KIF3A: variants seen among roughly 807,000 people sequenced by gnomAD.
The protein encoded by KIF3A is kinesin-like protein KIF3A.
KIF3A carries 27 observed loss-of-function variants against 92.6 expected under a neutral mutation model. That is an observed-to-expected ratio of 0.29 (90% CI 0.21 to 0.40). The LOEUF (loss-of-function observed/expected upper bound fraction) is 0.40, where lower values mean the gene tolerates loss of function less well. KIF3A is among the 10% of genes least tolerant of loss of function. KIF3A has a pLI of 1.00. For synonymous variants in KIF3A, 250 were observed against 275.4 expected (o/e 0.91, Z 0.92); for missense variants, 581 against 872.6 (o/e 0.67, Z 4.21).
chr5:132,709,090 T>C, intron 9 of KIF3A, 112 bp from the exon 10 acceptor site: 1 of 823,410 alleles, frequency 1.2e-6, no homozygotes, highest in East Asian at 2.7e-5. Flanking sequence ...TAAAGGACAA[T>C]CAAGCTTTGT....
chr5:132,692,921 A>C lies in KIF3A; in HGVS notation c.*3713T>G, dbSNP rs1022629398. 5.2e-5 allele frequency: 8 copies of C among 152,650 alleles called. No individual in the cohort carries two copies. The highest frequency in any genetic ancestry group is 1.0e-4 in the Non-Finnish European group (7 of 68,038). The allele number at this position is 152,650 out of a possible 1,614,324, so 9.5% of individuals were successfully genotyped here. On this transcript the variant is annotated 3_prime_UTR_variant, in exon 19 of 19. Transcript: ENST00000403231. The stretch of plus-strand genomic sequence containing the variant: ...ACAAAAAATAATTTAAAATAAAACA[A>C]ATGTATACATTAGGAAATTGGGCAG...
intron 12 of KIF3A, 71 bp from the exon 13 acceptor site, chr5:132,703,136 T>C (rs1187516004): frequency 1.5e-6 from 2 of 1,359,022 alleles, no homozygotes; most frequent in Non-Finnish European, 1.0e-6. Context: ...TTTCCCAAAA[T>C]TTAAAATTTG....
chr5:132,723,291 A>C (rs928790664), intron 4 of KIF3A: 1 of 152,230 alleles, frequency 6.6e-6, no homozygotes, highest in African/African-American at 2.4e-5. Context: ...CAGAATTGGA[A>C]AAAACTACTT....
chr5:132,700,438 T>TA (rs1752993559), intron 16 of KIF3A, 154 bp from the exon 17 acceptor site: 8 of 654,670 alleles, frequency 1.2e-5, no homozygotes, highest in Middle Eastern at 2.5e-4. Flanking sequence ...TAGTCCCACA[T>TA]AGCCCCTAAC....
rs372900102 is a variant in KIF3A at position 132,726,315 on chromosome 5, T to C, written c.425+39A>G. On this transcript the variant is annotated intron_variant, in intron 3 of 18. Transcript: ENST00000403231. ...TACCTATGTGCCTTTCCAGTGTTTG[T>C]ACTTCTCAATATCAGAAAATAAAAG... 8 of 1,605,558 alleles carry C rather than the reference T, an allele frequency of 5.0e-6. No homozygotes were observed. In the East Asian group the frequency reaches 1.1e-4, roughly 22 times the overall value.
chr5:132,731,484 A>G (rs545797388), intron 2 of KIF3A, among the ~76,000 whole-genome samples: 2 of 152,334 alleles, frequency 1.3e-5, no homozygotes, highest in South Asian at 2.1e-4. Flanking sequence ...TAAGAATAGA[A>G]GGGAACTTCC....
In KIF3A at chr5:132,702,027, A is replaced by G. The variant is rs1554105120; in HGVS notation, c.1884+60T>C. On this transcript the variant is annotated intron_variant, in intron 15 of 18. Coordinates refer to ENST00000403231, the MANE Select transcript of KIF3A (RefSeq NM_001300791.2). Reference sequence around the variant, plus strand: ...AAGTATTTATCATCAGTTAAATTAGAAATCTTTGTTCCTTAATCCCAGTCA... The same window carrying G: ...AAGTATTTATCATCAGTTAAATTAGGAATCTTTGTTCCTTAATCCCAGTCA... 1.3e-5 allele frequency: 19 copies of G among 1,510,702 alleles called. 1 individual carries two copies. In the South Asian group the frequency reaches 2.1e-4, roughly 17 times the overall value. 93.6% of individuals were successfully genotyped at this position (1,510,702 alleles called of 1,614,324 possible). A position where few individuals can be genotyped will look rare whatever the true frequency, so the allele number is the denominator to read the frequency against.
At chr5:132,698,643 C>A (rs1752917718) in intron 18 of KIF3A, among the ~76,000 whole-genome samples, 2 of 151,908 alleles carry the variant, frequency 1.3e-5, no homozygotes, top group African/African-American at 2.4e-5. Context: ...AAAATAAATT[C>A]TATTACTCAG....
chr5:132,724,421 A>ATC (rs1349197018), intron 4 of KIF3A, among the ~76,000 whole-genome samples: 1 of 152,232 alleles, frequency 6.6e-6, no homozygotes, highest in Non-Finnish European at 1.5e-5. Flanking sequence ...AGACTGGATT[A>ATC]AGAAAATGTG....
At chr5:132,707,453 T>G (rs1753259414) in intron 10 of KIF3A, among the ~76,000 whole-genome samples, 1 of 151,836 alleles carries the variant, frequency 6.6e-6, no homozygotes, top group Non-Finnish European at 1.5e-5. Flanking sequence ...AAAGTACAAC[T>G]CATTTCATAA....
rs374442774 is a variant in KIF3A at position 132,726,483 on chromosome 5, T to C, written c.296A>G (p.Tyr99Cys). ...AGTTTTGCCTGTTCCGGTTTGTCCA[T>C]ATGCAAAAATAGTCCCTGAAAATGA... The part of the protein sequence containing the change: ...LEGYNGTIFA[Y>C]GQTGTGKTFT... The change falls in exon 3 of 19, where the codon TAT becomes TGT. Residue 99 changes from tyrosine (Y) to cysteine (C), a missense_variant. Transcript: ENST00000403231. The C allele has an allele frequency of 1.8e-5, 29 of 1,613,302 alleles. No individual in the cohort carries two copies. Among genetic ancestry groups the C allele is most frequent in the Non-Finnish European group, 2.3e-5 (27 of 1,179,556 alleles).
At chr5:132,713,697 T>C (rs550485830) in intron 8 of KIF3A, among the ~76,000 whole-genome samples, 1 of 152,190 alleles carries the variant, frequency 6.6e-6, no homozygotes, top group East Asian at 1.9e-4. Context: ...TTATTCACAA[T>C]AGCCAAAAGG....
intron 11 of KIF3A, among the ~76,000 whole-genome samples, chr5:132,704,592 A>G (rs930666748): frequency 1.1e-4 from 16 of 151,958 alleles, no homozygotes; most frequent in African/African-American, 3.1e-4. Flanking sequence ...TGGTGATGAA[A>G]CTGAATCAAA....
chr5:132,719,559 T>C (rs969006094), intron 5 of KIF3A, among the ~76,000 whole-genome samples: 1 of 152,010 alleles, frequency 6.6e-6, no homozygotes, highest in Non-Finnish European at 1.5e-5. Context: ...TGGCGCGATC[T>C]CGGCTCACTG....
chr5:132,716,477 T>C, intron 6 of KIF3A, 35 bp from the exon 7 acceptor site: 4 of 1,544,178 alleles, frequency 2.6e-6, no homozygotes, highest in Non-Finnish European at 3.5e-6. Context: ...AAAGCTAAAA[T>C]TTTTTTAAAA....
intron 8 of KIF3A, 23 bp from the exon 9 acceptor site, chr5:132,711,080 T>C (rs201357759): frequency 1.2e-6 from 2 of 1,606,190 alleles, no homozygotes; most frequent in Admixed American, 1.7e-5. Context: ...TTTAATACAA[T>C]GTTTTTTATC....
At chr5:132,713,335 C>A (rs2897442) in intron 8 of KIF3A, among the ~76,000 whole-genome samples, 4 of 151,950 alleles carry the variant, frequency 2.6e-5, no homozygotes, top group African/African-American at 9.7e-5. Flanking sequence ...CAATGTAAAT[C>A]TCCTGGTTTC....
chr5:132,715,031 G>A (rs1753569768), intron 8 of KIF3A, among the ~76,000 whole-genome samples: 1 of 152,116 alleles, frequency 6.6e-6, no homozygotes, highest in Admixed American at 6.5e-5. Context: ...TGGCGTCTCT[G>A]AATTTCACCT....
At chr5:132,698,762 C>CTTTTTTTTTTTT in intron 18 of KIF3A, among the ~76,000 whole-genome samples, 1 of 141,402 alleles carries the variant, frequency 7.1e-6, no homozygotes. Flanking sequence ...CCAAGTCTTG[C>CTTTTTTTTTTTT]TCTGTCACCC....
Sources: allele counts gnomAD v4.1 joint callset (sites outside exome capture counted in the v4.1 genomes callset), GRCh38; gene constraint gnomAD v4.1.1; transcripts MANE v1.5; gene names NCBI Gene and HGNC (gene_info 2026-07-23, HGNC 2026-07-21).